Variants in WDR7 observed in about 807,000 individuals in gnomAD.
WDR7 encodes WD repeat domain 7, also known as WD repeat-containing protein 7.
WDR7 carries 46 observed loss-of-function variants against 169.4 expected under a neutral mutation model. That is an observed-to-expected ratio of 0.27 (90% CI 0.21 to 0.35). The LOEUF is 0.35. Among genes scored for constraint, WDR7 ranks in the 10% least tolerant of loss-of-function variants. The pLI, the probability that WDR7 is intolerant of heterozygous loss-of-function variation, is 1.00. For missense variants in WDR7, 1,534 were observed against 1,859.3 expected (o/e 0.83, Z 3.22); for synonymous variants, 612 against 666.8 (o/e 0.92, Z 1.27).
At chr18:56,966,452 T>C (rs941446375) in intron 26 of WDR7, among the ~76,000 whole-genome samples, 1 of 152,016 alleles carries the variant, frequency 6.6e-6, no homozygotes, top group Non-Finnish European at 1.5e-5. Context: ...TGATGAAGAG[T>C]AAATAGATTT....
At position 56,682,780 on chromosome 18, in the gene WDR7, A is replaced by C; in HGVS notation, c.447A>C (p.Leu149Phe). 2 of 1,613,842 alleles carry C rather than the reference A, an allele frequency of 1.2e-6. No individual in the cohort carries two copies. Among genetic ancestry groups the C allele is most frequent in the Non-Finnish European group, 8.5e-7 (1 of 1,179,790 alleles). The change falls in exon 5 of 28, where the codon TTA becomes TTC. Residue 149 changes from leucine (L) to phenylalanine (F), a missense_variant. Leu to Phe is a conservative substitution (Grantham distance 22). Transcript: ENST00000254442. ...TGGATGCTACCAGCCTTGAAGTATT[A>C]TACTCCTTAGTATCAAAGATATCAC... ...LVVDATSLEV[L>F]YSLVSKISPD... is the part of the protein sequence containing the mutation.
chr18:56,906,519 T>C (rs11151984), intron 21 of WDR7, among the ~76,000 whole-genome samples: 120,727 of 150,380 alleles, frequency 0.8, 49,077 homozygotes, highest in East Asian at 0.98. Flanking sequence ...ATGCTTCTTT[T>C]TTCTTTTTCT....
At chr18:56,995,460 A>G (rs531969476) in intron 26 of WDR7, among the ~76,000 whole-genome samples, 5 of 152,332 alleles carry the variant, frequency 3.3e-5, no homozygotes, top group African/African-American at 1.2e-4. Flanking sequence ...TACATGTACT[A>G]AGAAGTATGT....
At chr18:56,921,770 T>C (rs1201520621) in intron 21 of WDR7, among the ~76,000 whole-genome samples, 2 of 152,070 alleles carry the variant, frequency 1.3e-5, no homozygotes, top group Non-Finnish European at 2.9e-5. Flanking sequence ...TGATGGAAAA[T>C]ATCAAAACAT....
chr18:56,921,498 G>A (rs1030429524), intron 21 of WDR7, among the ~76,000 whole-genome samples: 2 of 152,144 alleles, frequency 1.3e-5, no homozygotes, highest in Admixed American at 6.5e-5. Context: ...TTATGAGATC[G>A]TTGAGTGAAA....
chr18:56,858,860 C>G (rs1599106815), intron 20 of WDR7, among the ~76,000 whole-genome samples: 1 of 152,270 alleles, frequency 6.6e-6, no homozygotes, highest in East Asian at 1.9e-4. Context: ...TCGTCTCAAC[C>G]CCTGCCTTCT....
rs1312096037 is a variant in WDR7 at position 57,027,007 on chromosome 18, A to T, written c.4273A>T (p.Asn1425Tyr). The change falls in exon 28 of 28, where the codon AAC becomes TAC. Residue 1425 changes from asparagine (N) to tyrosine (Y), a missense_variant. Asn to Tyr is a moderately radical substitution (Grantham distance 143). Transcript: ENST00000254442. Reference protein sequence around the residue: ...TDSHISFWQMNTSLLGSIGML... With the variant: ...TDSHISFWQMYTSLLGSIGML... ...ATGTGCTCTCCTGTCCCTCCAGATG[A>T]ACACGTCACTGCTGGGAAGCATCGG... 5.0e-6 allele frequency: 8 copies of T among 1,613,606 alleles called. No homozygotes were observed. Among genetic ancestry groups the T allele is most frequent in the Non-Finnish European group, 6.8e-6 (8 of 1,179,876 alleles).
chr18:56,943,762 G>A (rs188914819), intron 25 of WDR7, among the ~76,000 whole-genome samples: 113 of 152,034 alleles, frequency 7.4e-4, no homozygotes, highest in African/African-American at 2.7e-3. Context: ...TTAATTAAGA[G>A]CTAACTAATA....
At chr18:56,761,889 G>A (rs1221595852) in intron 16 of WDR7, among the ~76,000 whole-genome samples, 1 of 151,934 alleles carries the variant, frequency 6.6e-6, no homozygotes, top group African/African-American at 2.4e-5. Flanking sequence ...TAATTTATCT[G>A]GGGATTCCTT....
At chr18:56,772,955 A>T (rs886859283) in intron 16 of WDR7, among the ~76,000 whole-genome samples, 5 of 152,154 alleles carry the variant, frequency 3.3e-5, no homozygotes, top group Non-Finnish European at 7.4e-5. Flanking sequence ...TCCTATCAGA[A>T]GCCATACTTG....
chr18:56,797,928 T>A (rs1203674839), intron 19 of WDR7, among the ~76,000 whole-genome samples: 24 of 152,210 alleles, frequency 1.6e-4, no homozygotes. Flanking sequence ...ACTTCAAACC[T>A]ATCATCTTTA....
chr18:56,870,734 T>C (rs1188324063), intron 20 of WDR7, among the ~76,000 whole-genome samples: 1 of 152,214 alleles, frequency 6.6e-6, no homozygotes, highest in African/African-American at 2.4e-5. Flanking sequence ...GCAATCTTCC[T>C]GCCTCAGCTT....
At chr18:56,833,953 C>T (rs2045356464) in intron 20 of WDR7, among the ~76,000 whole-genome samples, 1 of 152,182 alleles carries the variant, frequency 6.6e-6, no homozygotes, top group Admixed American at 6.5e-5. Flanking sequence ...TTAGCTATGT[C>T]CTCTGCTCTA....
At chr18:56,735,142 C>A (rs967480020) in intron 14 of WDR7, among the ~76,000 whole-genome samples, 3 of 152,012 alleles carry the variant, frequency 2.0e-5, no homozygotes, top group Non-Finnish European at 4.4e-5. Flanking sequence ...TGTGAGGTTA[C>A]TGGAATGATA....
At chr18:56,942,287 G>A (rs960861393) in intron 25 of WDR7, among the ~76,000 whole-genome samples, 15 of 151,990 alleles carry the variant, frequency 9.9e-5, no homozygotes, top group African/African-American at 2.4e-5. Context: ...TGTTCTTTTG[G>A]GGGAGGGAAT....
intron 13 of WDR7, among the ~76,000 whole-genome samples, chr18:56,719,561 C>CA (rs58285674): frequency 0.12 from 13,081 of 106,038 alleles, 771 homozygotes; most frequent in Non-Finnish European, 0.15. Context: ...GACTCTGTCT[C>CA]AAAAAAAAAA....
At chr18:56,689,050 C>T (rs1425626017) in intron 7 of WDR7, among the ~76,000 whole-genome samples, 8 of 152,122 alleles carry the variant, frequency 5.3e-5, no homozygotes, top group Admixed American at 4.6e-4. Context: ...AAAAATATTT[C>T]ACAAAAGATG....
At chr18:56,908,521 A>C (rs2046510181) in intron 21 of WDR7, among the ~76,000 whole-genome samples, 1 of 152,222 alleles carries the variant, frequency 6.6e-6, no homozygotes, top group East Asian at 1.9e-4. Flanking sequence ...GGAATATGAC[A>C]TACATTATTA....
chr18:56,764,377 G>A (rs962169754), intron 16 of WDR7, among the ~76,000 whole-genome samples: 1 of 152,002 alleles, frequency 6.6e-6, no homozygotes, highest in Non-Finnish European at 1.5e-5. Flanking sequence ...TGTGTGGTTT[G>A]AATCCTTTGG....
Sources: allele counts gnomAD v4.1 joint callset (sites outside exome capture counted in the v4.1 genomes callset), GRCh38; gene constraint gnomAD v4.1.1; transcripts MANE v1.5; gene names NCBI Gene and HGNC (gene_info 2026-07-23, HGNC 2026-07-21).